VAT1L: variants seen among roughly 807,000 people sequenced by gnomAD.
VAT1L encodes the protein vesicle amine transport 1 like, also known as putative NADPH-dependent quinone oxidoreductase VAT1L.
A neutral mutation model predicts 44.1 loss-of-function variants in VAT1L; 34 were observed. The observed-to-expected ratio is 0.77, with a 90% CI of 0.59 to 1.03. The LOEUF (loss-of-function observed/expected upper bound fraction) is 1.03, where lower values mean the gene tolerates loss of function less well. Ranked by LOEUF, VAT1L falls within the 50% of genes least tolerant of loss-of-function variation. The probability of loss-of-function intolerance (pLI) is 0.00; values close to 1 mark genes in which losing one functional copy is unlikely to be tolerated. For synonymous variants in VAT1L, 253 were observed against 202.2 expected (o/e 1.25, Z -2.13); for missense variants, 615 against 538.8 (o/e 1.14, Z -1.40).
At chr16:77,920,888 A>G (rs535848458) in intron 7 of VAT1L, among the ~76,000 whole-genome samples, 1 of 152,032 alleles carries the variant, frequency 6.6e-6, no homozygotes, top group East Asian at 1.9e-4. Context: ...CTAACCATGC[A>G]TTTCTCAGAA....
intron 5 of VAT1L, among the ~76,000 whole-genome samples, chr16:77,877,084 A>G (rs1046827827): frequency 2.0e-5 from 3 of 152,274 alleles, no homozygotes; most frequent in Non-Finnish European, 2.9e-5. Flanking sequence ...ATTCACTTCT[A>G]TGTCTTAGGA....
At chr16:77,931,119 A>G (rs375540378) in intron 7 of VAT1L, among the ~76,000 whole-genome samples, 8 of 152,312 alleles carry the variant, frequency 5.3e-5, no homozygotes, top group African/African-American at 1.9e-4. Flanking sequence ...CTCCACAGCC[A>G]ATGTCTTAAT....
At chr16:77,822,213 CAA>C in intron 2 of VAT1L, among the ~76,000 whole-genome samples, 1 of 152,180 alleles carries the variant, frequency 6.6e-6, no homozygotes, top group Non-Finnish European at 1.5e-5. Context: ...TGGCTCACTG[CAA>C]ACTCTGCCTC....
chr16:77,937,712 G>C (rs2017820058), intron 7 of VAT1L, among the ~76,000 whole-genome samples: 1 of 152,168 alleles, frequency 6.6e-6, no homozygotes, highest in South Asian at 2.1e-4. Flanking sequence ...TTTTGCCAGG[G>C]GGCCCTTCCC....
At chr16:77,921,966 T>C (rs1357142490) in intron 7 of VAT1L, among the ~76,000 whole-genome samples, 1 of 152,146 alleles carries the variant, frequency 6.6e-6, no homozygotes, top group East Asian at 1.9e-4. Flanking sequence ...CAGGCTGGTC[T>C]TGAAGCCCTG....
intron 7 of VAT1L, among the ~76,000 whole-genome samples, chr16:77,909,669 A>T (rs1335749139): frequency 1.4e-5 from 2 of 147,832 alleles, no homozygotes; most frequent in African/African-American, 5.0e-5. Context: ...ACTTCTCTTG[A>T]GCTACTGAGT....
intron 6 of VAT1L, among the ~76,000 whole-genome samples, chr16:77,883,543 T>C (rs2017177425): frequency 6.6e-6 from 1 of 152,192 alleles, no homozygotes; most frequent in African/African-American, 2.4e-5. Context: ...GTGAATATTC[T>C]TTGTCCTGAG....
At chr16:77,915,579 G>C (rs774722215) in intron 7 of VAT1L, among the ~76,000 whole-genome samples, 2 of 152,148 alleles carry the variant, frequency 1.3e-5, no homozygotes, top group Non-Finnish European at 2.9e-5. Context: ...CAGAGGAGTG[G>C]GACTTGAGCA....
Position 77,788,673 on chromosome 16 carries a change from C to T in VAT1L, c.-10C>T. On this transcript the variant is annotated 5_prime_UTR_variant, in exon 1 of 9. Transcript: ENST00000302536. ...CACCGCAGCCCGTGCGCCCCGCGCC[C>T]TCGAGCGCCATGGCCAAGGAAGGCG... The T allele has an allele frequency of 6.5e-7, 1 of 1,548,254 alleles. No homozygotes were observed. Among genetic ancestry groups the T allele is most frequent in the Non-Finnish European group, 8.7e-7 (1 of 1,146,148 alleles).
At position 77,884,488 on chromosome 16, in the gene VAT1L, A is replaced by AATCTGCTG. The variant is rs1289047886; in HGVS notation, c.883-118_883-111dup. 2.2e-6 allele frequency: 2 copies of AATCTGCTG among 892,094 alleles called. No homozygotes were observed. Among genetic ancestry groups the AATCTGCTG allele is most frequent in the African/African-American group, 3.6e-5 (2 of 56,058 alleles). The allele number at this position is 892,094 out of a possible 1,614,324, so 55.3% of individuals were successfully genotyped here. A position where few individuals can be genotyped will look rare whatever the true frequency, so the allele number is the denominator to read the frequency against. ...CAAGAGCAACCCCTTGGCCAGCTGG[A>AATCTGCTG]ATCTGCTGAGCTGCAGCCCCACGTT... On this transcript the variant is annotated intron_variant, in intron 6 of 8. Transcript: ENST00000302536. The surrounding 1 kb of genome is among the most constrained non-coding windows in gnomAD (Gnocchi z 4.5).
intron 1 of VAT1L, among the ~76,000 whole-genome samples, chr16:77,809,898 C>A (rs987876281): frequency 1.3e-5 from 2 of 152,214 alleles, no homozygotes; most frequent in African/African-American, 2.4e-5. Context: ...AGGAACGGGG[C>A]AGCCTGTCTG....
intron 8 of VAT1L, among the ~76,000 whole-genome samples, chr16:77,975,169 G>A (rs1033773367): frequency 1.4e-5 from 2 of 139,252 alleles, no homozygotes; most frequent in African/African-American, 5.3e-5. Context: ...GCCTGCAGAG[G>A]TGCTTTCTCC....
chr16:77,972,512 G>A (rs2018291207), intron 8 of VAT1L, among the ~76,000 whole-genome samples: 1 of 152,146 alleles, frequency 6.6e-6, no homozygotes, highest in Admixed American at 6.5e-5. Context: ...CAGGGGAGGT[G>A]GCTAACGCCT....
intron 1 of VAT1L, among the ~76,000 whole-genome samples, chr16:77,793,841 T>C (rs964131640): frequency 6.6e-6 from 1 of 151,970 alleles, no homozygotes; most frequent in Non-Finnish European, 1.5e-5. Context: ...GTCACGAGGG[T>C]ATAGTAAATT....
intron 7 of VAT1L, among the ~76,000 whole-genome samples, chr16:77,916,295 C>T (rs2017551312): frequency 6.6e-6 from 1 of 152,136 alleles, no homozygotes; most frequent in Non-Finnish European, 1.5e-5. Context: ...CTCTAGAACT[C>T]TCCCTGCAAC....
At chr16:77,898,232 C>A (rs949253946) in intron 7 of VAT1L, among the ~76,000 whole-genome samples, 2 of 152,126 alleles carry the variant, frequency 1.3e-5, no homozygotes, top group African/African-American at 4.8e-5. Flanking sequence ...ATAATCTCAT[C>A]TTAACTAATT....
At chr16:77,938,236 G>A (rs1021321985) in intron 7 of VAT1L, among the ~76,000 whole-genome samples, 3 of 152,148 alleles carry the variant, frequency 2.0e-5, no homozygotes, top group Non-Finnish European at 4.4e-5. Context: ...TCTTCTAAAT[G>A]TGTCTTATGT....
intron 6 of VAT1L, among the ~76,000 whole-genome samples, chr16:77,880,591 A>AGTTTTTT (rs2017141534): frequency 1.8e-5 from 1 of 54,270 alleles, no homozygotes; most frequent in African/African-American, 7.6e-5. Flanking sequence ...GTTCCAGGGT[A>AGTTTTTT]TTTTTTTTTT....
At chr16:77,821,900 A>T (rs566445613) in intron 2 of VAT1L, among the ~76,000 whole-genome samples, 2 of 152,318 alleles carry the variant, frequency 1.3e-5, no homozygotes, top group South Asian at 4.2e-4. Flanking sequence ...GGAAAATCAA[A>T]TATTTTCCTG....
Sources: gnomAD v4.1 joint callset for allele counts (sites outside exome capture counted in the v4.1 genomes callset) on GRCh38, gnomAD v4.1.1 for gene constraint, Gnocchi (gnomAD v3.1) non-coding constraint, MANE v1.5 for transcripts, NCBI Gene and HGNC (gene_info 2026-07-23, HGNC 2026-07-21) for gene names.